SULT1B1: variants seen among roughly 807,000 people sequenced by gnomAD.
The protein encoded by SULT1B1 is sulfotransferase family 1B member 1.
Under a neutral mutation model 34.6 loss-of-function variants are expected in SULT1B1, and 28 were observed. That is an observed-to-expected ratio of 0.81 (90% CI 0.60 to 1.11). The LOEUF is 1.11. Ranked by LOEUF, SULT1B1 falls within the 50% of genes least tolerant of loss-of-function variation. The probability of loss-of-function intolerance (pLI) is 0.00; values close to 1 mark genes in which losing one functional copy is unlikely to be tolerated. For synonymous variants in SULT1B1, 147 were observed against 110.2 expected (o/e 1.33, Z -2.09); for missense variants, 374 against 352.2 (o/e 1.06, Z -0.50).
At chr4:69,731,473 C>G (rs1262950281) in intron 6 of SULT1B1, among the ~76,000 whole-genome samples, 1 of 152,162 alleles carries the variant, frequency 6.6e-6, no homozygotes, top group Non-Finnish European at 1.5e-5. Flanking sequence ...AGTCTATAGA[C>G]CAGTAGAAGT....
Position 69,756,671 on chromosome 4 carries a change from G to A in SULT1B1, c.-44-1410C>T, listed in dbSNP as rs536658938. Among the ~76,000 whole-genome samples the A allele has an allele frequency of 6.6e-5, 10 of 152,224 alleles. No individual in the cohort carries two copies. The South Asian group carries it at 2.1e-3, about 32-fold the overall frequency. ...CTCTTCCTGGATCTCCAGCCTGCCA[G>A]CCTTTTGACTAGAGCTAAACCATCA... On this transcript the variant is annotated intron_variant, in intron 1 of 7. Transcript: ENST00000310613.
intron 4 of SULT1B1, among the ~76,000 whole-genome samples, chr4:69,744,870 A>G (rs1230708598): frequency 6.6e-6 from 1 of 152,182 alleles, no homozygotes; most frequent in Non-Finnish European, 1.5e-5. Context: ...TTAGCACTAT[A>G]AACCTTCTTA....
chr4:69,755,005 A>T (rs1719133583), intron 2 of SULT1B1, 65 bp downstream of exon 2: 1 of 1,400,388 alleles, frequency 7.1e-7, no homozygotes, highest in Admixed American at 1.8e-5. Flanking sequence ...GATTTTATGG[A>T]CAAGTTGATT....
chr4:69,758,534 A>C (rs1719277110), intron 1 of SULT1B1: 1 of 931,396 alleles, frequency 1.1e-6, no homozygotes, highest in Non-Finnish European at 1.3e-6. Context: ...AAAATTGTCT[A>C]TTCTGAATTA....
At chr4:69,743,661 C>T (rs1433749965) in intron 4 of SULT1B1, among the ~76,000 whole-genome samples, 2 of 152,186 alleles carry the variant, frequency 1.3e-5, no homozygotes, top group South Asian at 2.1e-4. Flanking sequence ...AGCAGTCCCT[C>T]GGCTTTCCTC....
rs1261202018 is a variant in SULT1B1, at chr4:69,733,459, T to C, written c.551A>G (p.Lys184Arg). 1.9e-6 allele frequency: 3 copies of C among 1,608,060 alleles called. No individual in the cohort carries two copies. The highest frequency in any genetic ancestry group is 1.7e-6 in the Non-Finnish European group (2 of 1,177,722). The change falls in exon 6 of 8, where the codon AAG becomes AGG. Residue 184 changes from lysine (K) to arginine (R), a missense_variant. By Grantham distance (26) the Lys-to-Arg change is conservative. Transcript: ENST00000310613. ...CAAAAAAAGTATTGGGTGTTCTTCC[T>C]TTTTCTTCCACCAGTTTTTAACATG... ...FTHVKNWWKKKEEHPILFLYY... is the reference protein window; with the variant it reads ...FTHVKNWWKKREEHPILFLYY...
In SULT1B1 at chr4:69,730,191, G is replaced by C. The variant is rs377662117; in HGVS notation, c.778+310C>G. On this transcript the variant is annotated intron_variant, in intron 7 of 7. Coordinates refer to ENST00000310613, the MANE Select transcript of SULT1B1 (RefSeq NM_014465.4). ...AAGGAAGCTTATCTATGCCATCTTA[G>C]ACAAAGATTGAAGGGAGTAAGAATG... Among the ~76,000 whole-genome samples, 16 of 152,230 alleles carry C rather than the reference G, an allele frequency of 1.1e-4. No homozygotes were observed. The East Asian group carries it at 2.9e-3, about 28-fold the overall frequency.
intron 1 of SULT1B1, among the ~76,000 whole-genome samples, chr4:69,757,703 G>T (rs13132411): frequency 0.3 from 44,864 of 152,020 alleles, 7,738 homozygotes; most frequent in South Asian, 0.45. Flanking sequence ...GGGTTTTACA[G>T]AAAAATGCTG....
intron 7 of SULT1B1, among the ~76,000 whole-genome samples, chr4:69,728,610 C>T (rs927340502): frequency 6.1e-5 from 9 of 148,688 alleles, no homozygotes; most frequent in African/African-American, 2.0e-4. Context: ...CGAATGAGTA[C>T]TCTAAATGTT....
intron 4 of SULT1B1, among the ~76,000 whole-genome samples, chr4:69,737,192 C>G (rs1326548333): frequency 6.6e-6 from 1 of 152,074 alleles, no homozygotes; most frequent in Non-Finnish European, 1.5e-5. Context: ...GGAAATAGCA[C>G]AATAGTTTTT....
At chr4:69,742,005 G>C (rs1303242327) in intron 4 of SULT1B1, among the ~76,000 whole-genome samples, 1 of 151,968 alleles carries the variant, frequency 6.6e-6, no homozygotes, top group Non-Finnish European at 1.5e-5. Context: ...TCAGTGTGTT[G>C]GTTTGTCATA....
rs75363170 is a variant in SULT1B1 at position 69,745,754 on chromosome 4, CT to C, written c.375+3966del. ...GTGAAGATTTGATCCTGTAATTGTG[CT>C]GTCAGATGGTTATTATGTAGACTTG... is the stretch of plus-strand genomic sequence containing the variant. On this transcript the variant is annotated intron_variant, in intron 4 of 7. Coordinates refer to ENST00000310613, the MANE Select transcript of SULT1B1 (RefSeq NM_014465.4). 2.1e-3 allele frequency among the ~76,000 whole-genome samples: 326 copies of C among 152,230 alleles called. 3 individuals carry two copies. Among genetic ancestry groups the C allele is most frequent in the Admixed American group, 0.015 (233 of 15,296 alleles).
intron 1 of SULT1B1, chr4:69,758,221 T>A: frequency 2.5e-6 from 2 of 801,272 alleles, no homozygotes; most frequent in Non-Finnish European, 3.0e-6. Flanking sequence ...AAAGTAAGTC[T>A]GTAAGCAGTG....
In SULT1B1 at chr4:69,733,520, A is replaced by G; in HGVS notation, c.503-13T>C. 2 of 1,554,044 alleles carry G rather than the reference A, an allele frequency of 1.3e-6. No individual in the cohort carries two copies. Among genetic ancestry groups the G allele is most frequent in the Non-Finnish European group, 1.7e-6 (2 of 1,146,884 alleles). ...GAACCATAGGCCACTAAAACCAGAT[A>G]AAAGTCTATTTTCATAAACATTCAT... On this transcript the variant is annotated splice_polypyrimidine_tract_variant and intron_variant, in intron 5 of 7. Coordinates refer to ENST00000310613, the MANE Select transcript of SULT1B1 (RefSeq NM_014465.4).
At chr4:69,754,433 TATCA>T (rs1190813315) in intron 3 of SULT1B1, among the ~76,000 whole-genome samples, 4 of 152,222 alleles carry the variant, frequency 2.6e-5, no homozygotes, top group African/African-American at 7.2e-5. Flanking sequence ...TTGTTTATTT[TATCA>T]ATCAAATTTT....
At chr4:69,739,536 G>A (rs1204384344) in intron 4 of SULT1B1, among the ~76,000 whole-genome samples, 1 of 152,224 alleles carries the variant, frequency 6.6e-6, no homozygotes, top group Admixed American at 6.5e-5. Flanking sequence ...ACTGCACATA[G>A]CAGGAGGGCC....
intron 4 of SULT1B1, among the ~76,000 whole-genome samples, chr4:69,747,427 G>A (rs1718793548): frequency 6.6e-6 from 1 of 152,228 alleles, no homozygotes; most frequent in African/African-American, 2.4e-5. Context: ...GGCAGCTGAG[G>A]CTGTGCACTA....
chr4:69,756,853 T>C (rs1207370577), intron 1 of SULT1B1, among the ~76,000 whole-genome samples: 1 of 152,124 alleles, frequency 6.6e-6, no homozygotes, highest in Non-Finnish European at 1.5e-5. Context: ...TTTGGTTCTA[T>C]TCAGGCCTTC....
At chr4:69,736,388 C>T (rs977669295) in intron 4 of SULT1B1, among the ~76,000 whole-genome samples, 3 of 152,054 alleles carry the variant, frequency 2.0e-5, no homozygotes, top group African/African-American at 7.2e-5. Context: ...CTTGTGCCAC[C>T]CTTCCCCAGA....
Sources: gnomAD v4.1 joint callset for allele counts (sites outside exome capture counted in the v4.1 genomes callset) on GRCh38, gnomAD v4.1.1 for gene constraint, MANE v1.5 for transcripts, NCBI Gene and HGNC (gene_info 2026-07-23, HGNC 2026-07-21) for gene names.